SIX6: variants seen among roughly 807,000 people sequenced by gnomAD.
SIX6 encodes SIX homeobox 6.
Under a neutral mutation model 23.6 loss-of-function variants are expected in SIX6, and 14 were observed. That is an observed-to-expected ratio of 0.59 (90% CI 0.39 to 0.93). The LOEUF is 0.93. Ranked by LOEUF, SIX6 falls within the 40% of genes least tolerant of loss-of-function variation. SIX6 has a pLI of 0.00. For synonymous variants in SIX6, 128 were observed against 144.9 expected, an observed-to-expected ratio of 0.88 and a Z score of 0.84; for missense variants, 307 against 325.6, an observed-to-expected ratio of 0.94 and a Z score of 0.44.
chr14:60,509,521 T>TG lies in SIX6; in HGVS notation c.124dup (p.Ala42GlyfsTer10). 1 of 1,607,078 alleles carries TG rather than the reference T, an allele frequency of 6.2e-7. No individual in the cohort carries two copies. Among genetic ancestry groups the TG allele is most frequent in the Non-Finnish European group, 8.5e-7 (1 of 1,179,968 alleles). On this transcript the variant is annotated frameshift_variant, in exon 1 of 2. Coordinates refer to ENST00000327720, the MANE Select transcript of SIX6 (RefSeq NM_007374.3). LOFTEE classifies it high-confidence loss of function. ...TCCTCTGGTCGCTGCCCGTGGCCCC[T>TG]GCGGCCTGCGAGGCCCTCAACAAGA...
At position 60,511,656 on chromosome 14, in the gene SIX6, T is replaced by A. The variant is rs969271357; in HGVS notation, c.*404T>A. The A allele has an allele frequency of 1.5e-5, 5 of 331,584 alleles. No homozygotes were observed. Among genetic ancestry groups the A allele is most frequent in the African/African-American group, 1.1e-4 (5 of 46,996 alleles). The allele number at this position is 331,584 out of a possible 1,614,324, so 20.5% of individuals were successfully genotyped here. A position where few individuals can be genotyped will look rare whatever the true frequency, so the allele number is the denominator to read the frequency against. On this transcript the variant is annotated 3_prime_UTR_variant, in exon 2 of 2. Transcript: ENST00000327720. The stretch of plus-strand genomic sequence containing the variant: ...GTTTTTTTTTAACAAAACATATATA[T>A]GCTGTTTATTTACTTATTTAAGAGA...
intron 1 of SIX6, 133 bp downstream of exon 1, chr14:60,510,103 G>C: frequency 2.5e-6 from 2 of 811,526 alleles, no homozygotes; most frequent in South Asian, 1.5e-5. Context: ...CTTGGGTTAA[G>C]AGCCCTGCGT....
At position 60,509,963 on chromosome 14, in the gene SIX6, A is replaced by C. The variant is rs1337925767; in HGVS notation, c.565A>C (p.Lys189Gln). The change falls in exon 1 of 2, where the codon AAG becomes CAG. Residue 189 changes from lysine (K) to glutamine (Q), a missense_variant. Physicochemically the swap from Lys to Gln is moderately conservative, Grantham distance 53. Coordinates refer to ENST00000327720, the MANE Select transcript of SIX6 (RefSeq NM_007374.3). ...RRQRDRAAAA[K>Q]NRLQQQVLSQ... ...ACAAAGGGACCGAGCGGCTGCAGCC[A>C]AGAACAGGTCGGTACCTAGAGGCCT... The C allele has an allele frequency of 6.2e-7, 1 of 1,602,432 alleles. No homozygotes were observed. The highest frequency in any genetic ancestry group is 1.3e-5 in the African/African-American group (1 of 74,626).
chr14:60,511,337 T>G lies in SIX6; in HGVS notation c.*85T>G. 1 of 1,471,164 alleles carries G rather than the reference T, an allele frequency of 6.8e-7. No homozygotes were observed. Among genetic ancestry groups the G allele is most frequent in the Non-Finnish European group, 9.5e-7 (1 of 1,053,470 alleles). The allele number at this position is 1,471,164 out of a possible 1,614,324, so 91.1% of individuals were successfully genotyped here. On this transcript the variant is annotated 3_prime_UTR_variant, in exon 2 of 2. Coordinates refer to ENST00000327720, the MANE Select transcript of SIX6 (RefSeq NM_007374.3). ...AAAGAGGGGAAGAAGATGAGAGACC[T>G]GCAAATCCAGCGCCACAGAAGCCAG...
chr14:60,509,771 A>G lies in SIX6; in HGVS notation c.373A>G (p.Ile125Val). ...VRKKFPLPRT[I>V]WDGEQKTHCF... ...GAAGAAGTTCCCGCTGCCGCGCACC[A>G]TTTGGGACGGCGAACAGAAGACACA... The change falls in exon 1 of 2, where the codon ATT (isoleucine) becomes GTT (valine). Residue 125 changes from isoleucine (I) to valine (V), a missense_variant. Physicochemically the swap from Ile to Val is conservative, Grantham distance 29 (BLOSUM62 3). Transcript: ENST00000327720. The G allele has an allele frequency of 6.2e-7, 1 of 1,613,208 alleles. No homozygotes were observed. The highest frequency in any genetic ancestry group is 8.5e-7 in the Non-Finnish European group (1 of 1,179,264).
rs2140189606 is a variant in SIX6 at position 60,511,145 on chromosome 14, A to T, written c.634A>T (p.Thr212Ser). ...GRALRAEGDG[T>S]PEVLGVATSP... ...GGCACTACGGGCGGAGGGCGACGGCACGCCAGAGGTGCTGGGCGTCGCCAC... is the reference window on the plus strand; with the variant it reads ...GGCACTACGGGCGGAGGGCGACGGCTCGCCAGAGGTGCTGGGCGTCGCCAC... Residue 212 changes from threonine (T) to serine (S), a missense_variant, in exon 2 of 2, where the codon ACG (threonine) becomes TCG (serine). Coordinates refer to ENST00000327720, the MANE Select transcript of SIX6 (RefSeq NM_007374.3). 3 of 1,612,852 alleles carry T rather than the reference A, an allele frequency of 1.9e-6. No individual in the cohort carries two copies. Among genetic ancestry groups the T allele is most frequent in the Non-Finnish European group, 2.5e-6 (3 of 1,179,896 alleles).
rs1380851786 is a variant in SIX6, at chr14:60,509,729, G to A, written c.331G>A (p.Asp111Asn). 1.9e-6 allele frequency: 3 copies of A among 1,614,020 alleles called. No homozygotes were observed. The South Asian group carries it at 3.3e-5, about 18-fold the overall frequency. The change falls in exon 1 of 2, where the codon GAC (aspartate) becomes AAC (asparagine). Residue 111 changes from aspartate to asparagine, a missense_variant. Transcript: ENST00000327720. ...KLRGRPLGPV[D>N]KYRVRKKFPL... ...GCGTGGAAGACCCCTGGGACCTGTG[G>A]ACAAGTACCGAGTAAGGAAGAAGTT...
In SIX6 at chr14:60,511,437, T is replaced by A; in HGVS notation, c.*185T>A. 5 of 692,346 alleles carry A rather than the reference T, an allele frequency of 7.2e-6. No individual in the cohort carries two copies. The highest frequency in any genetic ancestry group is 1.3e-5 in the Non-Finnish European group (5 of 393,334). 42.9% of individuals were successfully genotyped at this position (692,346 alleles called of 1,614,324 possible). A position where few individuals can be genotyped will look rare whatever the true frequency, so the allele number is the denominator to read the frequency against. On this transcript the variant is annotated 3_prime_UTR_variant, in exon 2 of 2. Transcript: ENST00000327720. Reference sequence around the variant, plus strand: ...GGCCGGCCTGGCTTCACTGGCGCCCTTTGGCCGCGACCACGGGAACCAGCG... The same window carrying A: ...GGCCGGCCTGGCTTCACTGGCGCCCATTGGCCGCGACCACGGGAACCAGCG...
rs1021685306 is a variant in SIX6, at chr14:60,509,935, C to T, written c.537C>T (p.Arg179=). 2 of 1,610,384 alleles carry T rather than the reference C, an allele frequency of 1.2e-6. No individual in the cohort carries two copies. The highest frequency in any genetic ancestry group is 2.7e-5 in the African/African-American group (2 of 74,934). Residue 179 remains arginine, a synonymous_variant, in exon 1 of 2, where the codon CGC becomes CGT. Transcript: ENST00000327720. ...PTQVGNWFKN[R]RQRDRAAAAK... is the part of the protein sequence containing the mutation. ...AGGTGGGCAACTGGTTCAAAAACCG[C>T]CGACAAAGGGACCGAGCGGCTGCAG...
intron 1 of SIX6, 147 bp from the exon 2 acceptor site, chr14:60,510,937 C>G (rs1345031913): frequency 2.5e-6 from 2 of 807,714 alleles, no homozygotes; most frequent in African/African-American, 1.7e-5. Flanking sequence ...CGACCTCTGT[C>G]GCCTTGCCGA....
chr14:60,511,053 C>CTG, intron 1 of SIX6, 31 bp from the exon 2 acceptor site: 1 of 1,608,310 alleles, frequency 6.2e-7, no homozygotes. Context: ...GTGTTACGAG[C>CTG]TGTGACCCGT....
Position 60,509,517 on chromosome 14 carries a change from C to A in SIX6, c.119C>A (p.Ala40Asp). The A allele has an allele frequency of 6.2e-7, 1 of 1,606,482 alleles. No individual in the cohort carries two copies. The highest frequency in any genetic ancestry group is 1.3e-5 in the African/African-American group (1 of 75,054). Residue 40 changes from alanine to aspartate, a missense_variant, in exon 1 of 2, where the codon GCC becomes GAC. Coordinates refer to ENST00000327720, the MANE Select transcript of SIX6 (RefSeq NM_007374.3). ...LGRFLWSLPVAPAACEALNKN... is the reference protein window; with the variant it reads ...LGRFLWSLPVDPAACEALNKN... Reference sequence around the variant, plus strand: ...CGCTTCCTCTGGTCGCTGCCCGTGGCCCCTGCGGCCTGCGAGGCCCTCAAC... The same window carrying A: ...CGCTTCCTCTGGTCGCTGCCCGTGGACCCTGCGGCCTGCGAGGCCCTCAAC...
rs774646964 is a variant in SIX6, at chr14:60,512,115, CCTCT to C, written c.*866_*869del. On this transcript the variant is annotated 3_prime_UTR_variant, in exon 2 of 2. Coordinates refer to ENST00000327720, the MANE Select transcript of SIX6 (RefSeq NM_007374.3). Reference sequence around the variant, plus strand: ...CTAGAAATTGGCAACATGTGAGCGTCCTCTCTAAGGCAAGTCCCCGCATCCCCAG... The same window carrying C: ...CTAGAAATTGGCAACATGTGAGCGTCCTAAGGCAAGTCCCCGCATCCCCAG... The C allele has an allele frequency of 8.5e-5, 13 of 152,288 alleles. No individual in the cohort carries two copies. Among genetic ancestry groups the C allele is most frequent in the East Asian group, 1.9e-4 (1 of 5,170 alleles). 9.4% of individuals were successfully genotyped at this position (152,288 alleles called of 1,614,324 possible).
Position 60,511,400 on chromosome 14 carries a change from G to A in SIX6, c.*148G>A. ...CCGCGGGCTCGGGTTGCCGTTTCCC[G>A]CCCCACCCCGCGGCCGGCCTGGCTT... is the stretch of plus-strand genomic sequence containing the variant. On this transcript the variant is annotated 3_prime_UTR_variant, in exon 2 of 2. Transcript: ENST00000327720. 2.1e-6 allele frequency: 2 copies of A among 956,520 alleles called. No individual in the cohort carries two copies. Among genetic ancestry groups the A allele is most frequent in the African/African-American group, 1.6e-5 (1 of 62,022 alleles). The allele number at this position is 956,520 out of a possible 1,614,324, so 59.3% of individuals were successfully genotyped here.
rs1893250092 is a variant in SIX6 at position 60,509,187 on chromosome 14, C to G, written c.-212C>G. On this transcript the variant is annotated 5_prime_UTR_variant, in exon 1 of 2. Transcript: ENST00000327720. ...CGCCTGCCGGCGTGCCTGAGCCGAG[C>G]CGAGCCCGAACCCCAAGCCGCGGAG... The G allele has an allele frequency of 1.2e-5, 7 of 589,330 alleles. No individual in the cohort carries two copies. In the Admixed American group the frequency reaches 2.1e-4, roughly 17 times the overall value. 36.5% of individuals were successfully genotyped at this position (589,330 alleles called of 1,614,324 possible). A position where few individuals can be genotyped will look rare whatever the true frequency, so the allele number is the denominator to read the frequency against.
Position 60,509,827 on chromosome 14 carries a change from A to G in SIX6, c.429A>G (p.Leu143=). The change falls in exon 1 of 2, where the codon CTA becomes CTG. Residue 143 remains leucine (L), a synonymous_variant. Transcript: ENST00000327720. ...HCFKERTRHL[L]REWYLQDPYP... ...TCAAGGAGCGCACGCGGCACCTGCT[A>G]CGCGAGTGGTACCTGCAGGATCCAT... 6.2e-7 allele frequency: 1 copy of G among 1,613,946 alleles called. No homozygotes were observed. The highest frequency in any genetic ancestry group is 1.6e-4 in the Middle Eastern group (1 of 6,062).
chr14:60,511,319 G>T lies in SIX6; in HGVS notation c.*67G>T, dbSNP rs546754462. On this transcript the variant is annotated 3_prime_UTR_variant, in exon 2 of 2. Transcript: ENST00000327720. ...AACGAGAAAAACAAAATGAAAGAGG[G>T]GAAGAAGATGAGAGACCTGCAAATC... 92 of 1,539,326 alleles carry T rather than the reference G, an allele frequency of 6.0e-5. No homozygotes were observed. The African/African-American group carries it at 1.2e-3, about 20-fold the overall frequency.
Position 60,509,592 on chromosome 14 carries a change from G to A in SIX6, c.194G>A (p.Gly65Asp). Residue 65 changes from glycine (G) to aspartate (D), a missense_variant, in exon 1 of 2, where the codon GGC becomes GAC. Physicochemically the swap from Gly to Asp is moderately conservative, Grantham distance 94 (BLOSUM62 -1). Coordinates refer to ENST00000327720, the MANE Select transcript of SIX6 (RefSeq NM_007374.3). ...RARAIVAFHG[G>D]NYRELYHILE... ...CGAGCCATCGTGGCCTTTCACGGTG[G>A]CAACTACCGCGAGCTCTATCATATC... 6.2e-7 allele frequency: 1 copy of A among 1,613,318 alleles called. No individual in the cohort carries two copies. Among genetic ancestry groups the A allele is most frequent in the Non-Finnish European group, 8.5e-7 (1 of 1,180,032 alleles).
Position 60,509,645 on chromosome 14 carries a change from T to A in SIX6, c.247T>A (p.Ser83Thr), listed in dbSNP as rs1893259939. ...ILENHKFTKESHAKLQALWLE... is the reference protein window; with the variant it reads ...ILENHKFTKETHAKLQALWLE... The stretch of plus-strand genomic sequence containing the variant: ...GGAAAACCACAAGTTCACCAAGGAG[T>A]CGCACGCCAAGCTGCAGGCGCTGTG... Residue 83 changes from serine (S) to threonine (T), a missense_variant, in exon 1 of 2, where the codon TCG (serine) becomes ACG (threonine). By Grantham distance (58) the Ser-to-Thr change is moderately conservative (BLOSUM62 1). Coordinates refer to ENST00000327720, the MANE Select transcript of SIX6 (RefSeq NM_007374.3). 9 of 1,613,358 alleles carry A rather than the reference T, an allele frequency of 5.6e-6. No individual in the cohort carries two copies. The highest frequency in any genetic ancestry group is 1.6e-4 in the Middle Eastern group (1 of 6,082).
Sources: gnomAD v4.1 joint callset for allele counts on GRCh38, gnomAD v4.1.1 for gene constraint, MANE v1.5 for transcripts, NCBI Gene and HGNC (gene_info 2026-07-23, HGNC 2026-07-21) for gene names.